The following RUNDC3B variants were observed in gnomAD, a reference collection of about 807,000 sequenced individuals.
The protein encoded by RUNDC3B is RUN domain-containing protein 3B.
Under a neutral mutation model 58.4 loss-of-function variants are expected in RUNDC3B, and 33 were observed. The observed-to-expected ratio is 0.56, with a 90% CI of 0.43 to 0.75. RUNDC3B has a LOEUF of 0.75. Ranked by LOEUF, RUNDC3B falls within the 30% of genes least tolerant of loss-of-function variation. The pLI is 0.00. For missense variants in RUNDC3B, 501 were observed against 535.7 expected, an observed-to-expected ratio of 0.94 and a Z score of 0.64; for synonymous variants, 193 against 195.2, an observed-to-expected ratio of 0.99 and a Z score of 0.10.
chr7:87,774,324 A>G (rs763751192), intron 7 of RUNDC3B, among the ~76,000 whole-genome samples: 1 of 152,276 alleles, frequency 6.6e-6, no homozygotes, highest in South Asian at 2.1e-4. Flanking sequence ...AATTAAAGAG[A>G]TAAGTATCCA....
At chr7:87,802,177 A>G (rs1343143729) in intron 8 of RUNDC3B, among the ~76,000 whole-genome samples, 1 of 152,132 alleles carries the variant, frequency 6.6e-6, no homozygotes, top group Non-Finnish European at 1.5e-5. Flanking sequence ...GGATCACTTG[A>G]GCCCAGGAGT....
At chr7:87,737,983 A>G (rs1832084445) in intron 4 of RUNDC3B, among the ~76,000 whole-genome samples, 1 of 152,118 alleles carries the variant, frequency 6.6e-6, no homozygotes, top group African/African-American at 2.4e-5. Flanking sequence ...AACACTCCCT[A>G]GTACAAAGGT....
chr7:87,732,086 A>G (rs1831612381), intron 4 of RUNDC3B, among the ~76,000 whole-genome samples: 3 of 152,204 alleles, frequency 2.0e-5, no homozygotes, highest in Admixed American at 2.0e-4. Context: ...AGGCGGTAAA[A>G]CTAGAAATCA....
chr7:87,685,826 C>A (rs958415389), intron 2 of RUNDC3B, among the ~76,000 whole-genome samples: 2 of 152,164 alleles, frequency 1.3e-5, no homozygotes, highest in Non-Finnish European at 2.9e-5. Flanking sequence ...ATGTATAACT[C>A]CCCCAAATTC....
At chr7:87,729,288 G>A (rs534550329) in intron 4 of RUNDC3B, among the ~76,000 whole-genome samples, 14 of 152,188 alleles carry the variant, frequency 9.2e-5, no homozygotes, top group South Asian at 6.2e-4. Flanking sequence ...AAGTGCAATC[G>A]CAGTGTGTGG....
intron 6 of RUNDC3B, among the ~76,000 whole-genome samples, chr7:87,747,541 ACTCCCAAGATTATATGCCCTTTGT>A (rs1295014684): frequency 1.3e-5 from 2 of 151,678 alleles, no homozygotes; most frequent in Non-Finnish European, 2.9e-5. Context: ...GGACCCTAGA[ACTCCCAAGATTATATGCCCTTTGT>A]CTTCCGCTGC....
chr7:87,633,668 A>ATT (rs202092343), intron 1 of RUNDC3B, among the ~76,000 whole-genome samples: 3 of 146,998 alleles, frequency 2.0e-5, no homozygotes, highest in African/African-American at 5.0e-5. Flanking sequence ...CAGGTGTTTA[A>ATT]TTTTTTTTTT....
At chr7:87,747,420 A>G (rs1166258749) in intron 6 of RUNDC3B, among the ~76,000 whole-genome samples, 1 of 152,078 alleles carries the variant, frequency 6.6e-6, no homozygotes, top group Non-Finnish European at 1.5e-5. Context: ...GAGGGTTGTT[A>G]GCTTTGGTGG....
intron 6 of RUNDC3B, among the ~76,000 whole-genome samples, chr7:87,747,604 G>A (rs1285792583): frequency 6.6e-6 from 1 of 152,106 alleles, no homozygotes; most frequent in African/African-American, 2.4e-5. Flanking sequence ...ACCATCAGGT[G>A]GGGGCAGGGC....
rs577873156 is a variant in RUNDC3B at position 87,742,907 on chromosome 7, A to G, written c.629+1328A>G. Reference sequence around the variant, plus strand: ...GGTGGGCGGATCACGAGGTCAGGAGATAGAGACCATCCGGGCTAACACGGT... The same window carrying G: ...GGTGGGCGGATCACGAGGTCAGGAGGTAGAGACCATCCGGGCTAACACGGT... On this transcript the variant is annotated intron_variant, in intron 6 of 10. Coordinates refer to ENST00000394654, the MANE Select transcript of RUNDC3B (RefSeq NM_001134405.2). 8.5e-5 allele frequency among the ~76,000 whole-genome samples: 13 copies of G among 152,106 alleles called. 1 individual carries two copies. The highest frequency in any genetic ancestry group is 3.1e-4 in the African/African-American group (13 of 41,498).
chr7:87,798,262 T>G (rs1835918535), intron 8 of RUNDC3B, among the ~76,000 whole-genome samples: 1 of 152,220 alleles, frequency 6.6e-6, no homozygotes, highest in Admixed American at 6.5e-5. Flanking sequence ...TTTGTAATTT[T>G]ATTAGGATTG....
At chr7:87,775,839 G>A (rs529948030) in intron 7 of RUNDC3B, among the ~76,000 whole-genome samples, 41 of 152,252 alleles carry the variant, frequency 2.7e-4, no homozygotes, top group Non-Finnish European at 5.0e-4. Flanking sequence ...TAGTTGTGTA[G>A]TAGACTCTGT....
intron 2 of RUNDC3B, among the ~76,000 whole-genome samples, chr7:87,680,236 A>T (rs983238400): frequency 6.0e-5 from 9 of 150,416 alleles, no homozygotes; most frequent in African/African-American, 2.2e-4. Flanking sequence ...GTAGTATTCC[A>T]TGGTGTGTAT....
rs570562981 is a variant in RUNDC3B, at chr7:87,793,177, A to G, written c.957-14196A>G. Among the ~76,000 whole-genome samples, 21 of 152,236 alleles carry G rather than the reference A, an allele frequency of 1.4e-4. No homozygotes were observed. The East Asian group carries it at 3.7e-3, about 27-fold the overall frequency. On this transcript the variant is annotated intron_variant, in intron 8 of 10. Transcript: ENST00000394654. Reference sequence around the variant, plus strand: ...AATCCAAAACCTGAACAGATCAATAACTAGTAATGAGATTTAAACCATAAT... The same window carrying G: ...AATCCAAAACCTGAACAGATCAATAGCTAGTAATGAGATTTAAACCATAAT...
chr7:87,770,483 T>C, intron 6 of RUNDC3B, 98 bp from the exon 7 acceptor site: 1 of 893,638 alleles, frequency 1.1e-6, no homozygotes, highest in Non-Finnish European at 1.7e-6. Context: ...GTACTAAATA[T>C]TTTCGAATTT....
intron 4 of RUNDC3B, among the ~76,000 whole-genome samples, chr7:87,733,422 G>A (rs1831719233): frequency 6.6e-6 from 1 of 152,154 alleles, no homozygotes; most frequent in African/African-American, 2.4e-5. Context: ...CTCCCTGCAA[G>A]TATGTATTAA....
At chr7:87,654,696 G>A (rs1823907382) in intron 2 of RUNDC3B, among the ~76,000 whole-genome samples, 1 of 151,914 alleles carries the variant, frequency 6.6e-6, no homozygotes. Context: ...GACACCACAA[G>A]CACAGGCAAC....
At chr7:87,807,911 A>G (rs1475502693) in intron 9 of RUNDC3B, among the ~76,000 whole-genome samples, 1 of 152,122 alleles carries the variant, frequency 6.6e-6, no homozygotes, top group Non-Finnish European at 1.5e-5. Flanking sequence ...TTCATTTTCA[A>G]TAAATCTGAT....
intron 8 of RUNDC3B, among the ~76,000 whole-genome samples, chr7:87,803,319 G>A (rs1226519000): frequency 6.6e-6 from 1 of 152,162 alleles, no homozygotes; most frequent in Non-Finnish European, 1.5e-5. Flanking sequence ...CAGTTGAGAA[G>A]TTTTGGGTTT....
Sources: allele counts gnomAD v4.1 joint callset (sites outside exome capture counted in the v4.1 genomes callset), GRCh38; gene constraint gnomAD v4.1.1; transcripts MANE v1.5; gene names NCBI Gene and HGNC (gene_info 2026-07-23, HGNC 2026-07-21).